The following ANAPC10 variants were observed in gnomAD, a reference collection of about 807,000 sequenced individuals.
ANAPC10 encodes the protein anaphase promoting complex subunit 10.
A neutral mutation model predicts 22.0 loss-of-function variants in ANAPC10; 12 were observed. That is an observed-to-expected ratio of 0.55 (90% CI 0.35 to 0.88). The LOEUF (loss-of-function observed/expected upper bound fraction) is 0.88. Ranked by LOEUF, ANAPC10 falls within the 40% of genes least tolerant of loss-of-function variation. The pLI is 0.01. For synonymous variants in ANAPC10, 65 were observed against 69.5 expected, an observed-to-expected ratio of 0.94 and a Z score of 0.32; for missense variants, 188 against 220.9, an observed-to-expected ratio of 0.85 and a Z score of 0.94.
chr4:145,074,799 C>T (rs1264905086), intron 3 of ANAPC10, among the ~76,000 whole-genome samples: 1 of 152,098 alleles, frequency 6.6e-6, no homozygotes, highest in Non-Finnish European at 1.5e-5. Context: ...TGATCAGTTC[C>T]AATTTTTAAA....
At chr4:145,049,260 T>G (rs1213364407) in intron 4 of ANAPC10, among the ~76,000 whole-genome samples, 2 of 152,186 alleles carry the variant, frequency 1.3e-5, no homozygotes. Flanking sequence ...AAGGCTGAGG[T>G]GGCTGAAGCA....
chr4:145,092,733 A>C (rs971861752), intron 2 of ANAPC10, among the ~76,000 whole-genome samples: 1 of 152,134 alleles, frequency 6.6e-6, no homozygotes, highest in Non-Finnish European at 1.5e-5. Flanking sequence ...ACCACCAGTG[A>C]AGGAAAGCAA....
intron 4 of ANAPC10, chr4:145,063,916 G>A (rs1310155948): frequency 6.6e-6 from 1 of 152,006 alleles, no homozygotes; most frequent in African/African-American, 2.4e-5. Flanking sequence ...AGGCAATATG[G>A]ATCTATGATA....
intron 3 of ANAPC10, 144 bp downstream of exon 3, chr4:145,081,516 C>T (rs1209074737): frequency 1.9e-6 from 1 of 519,410 alleles, no homozygotes; most frequent in East Asian, 3.2e-5. Context: ...TCTAACTGAA[C>T]TGAAAAATAA....
At chr4:145,048,263 G>C (rs1195373542) in intron 4 of ANAPC10, among the ~76,000 whole-genome samples, 3 of 152,166 alleles carry the variant, frequency 2.0e-5, no homozygotes, top group African/African-American at 7.2e-5. Flanking sequence ...AGATGATCAA[G>C]ACAGGTAATG....
chr4:145,022,187 T>C (rs374345655), intron 4 of ANAPC10, among the ~76,000 whole-genome samples: 1 of 152,066 alleles, frequency 6.6e-6, no homozygotes, highest in Non-Finnish European at 1.5e-5. Flanking sequence ...AGTCATTATA[T>C]GAAAAAGATA....
intron 4 of ANAPC10, among the ~76,000 whole-genome samples, chr4:145,050,139 T>C (rs1374043947): frequency 3.3e-5 from 5 of 152,202 alleles, no homozygotes; most frequent in East Asian, 1.9e-4. Context: ...CCTAAAGAAA[T>C]GTATAAGACT....
At chr4:145,074,315 A>C (rs1253255160) in intron 3 of ANAPC10, among the ~76,000 whole-genome samples, 4 of 151,860 alleles carry the variant, frequency 2.6e-5, no homozygotes, top group Non-Finnish European at 5.9e-5. Flanking sequence ...TCTCTTTTTG[A>C]GGAGGGCAGA....
chr4:145,081,701 T>C lies in ANAPC10; in HGVS notation c.165A>G (p.Gln55=), dbSNP rs1746040467. Residue 55 remains glutamine (Q), a synonymous_variant, in exon 3 of 5, where the codon CAA becomes CAG. Transcript: ENST00000507656. The part of the protein sequence containing the change: ...LRDDNLETYW[Q]SDGSQPHLVN... ...CTAAATGAGGCTGGGAACCATCTGATTGCCAATAAGTTTCTAGATTGTCAT... is the reference window on the plus strand; with the variant it reads ...CTAAATGAGGCTGGGAACCATCTGACTGCCAATAAGTTTCTAGATTGTCAT... 6.2e-7 allele frequency: 1 copy of C among 1,612,754 alleles called. No individual in the cohort carries two copies. The highest frequency in any genetic ancestry group is 8.5e-7 in the Non-Finnish European group (1 of 1,179,544).
chr4:145,091,958 C>A (rs1747741981), intron 2 of ANAPC10, among the ~76,000 whole-genome samples: 1 of 152,144 alleles, frequency 6.6e-6, no homozygotes, highest in Non-Finnish European at 1.5e-5. Context: ...TGAGGCCAGG[C>A]ACATGCAGCC....
At chr4:145,027,596 A>C (rs2127032195) in intron 4 of ANAPC10, among the ~76,000 whole-genome samples, 2 of 152,316 alleles carry the variant, frequency 1.3e-5, no homozygotes, top group East Asian at 3.9e-4. Flanking sequence ...ATCAAGGATA[A>C]GGAGATTATA....
chr4:145,016,220 C>A (rs1163914954), intron 4 of ANAPC10, among the ~76,000 whole-genome samples: 1 of 152,054 alleles, frequency 6.6e-6, no homozygotes, highest in African/African-American at 2.4e-5. Context: ...TTTAGAAAAC[C>A]CCACCGTCTC....
chr4:145,005,469 C>T (rs958788761), intron 4 of ANAPC10, among the ~76,000 whole-genome samples: 2 of 151,970 alleles, frequency 1.3e-5, no homozygotes, highest in African/African-American at 4.8e-5. Context: ...TTCAGTTCAG[C>T]TCTGATTTTG....
intron 3 of ANAPC10, among the ~76,000 whole-genome samples, chr4:145,078,114 T>C (rs769506283): frequency 3.3e-5 from 5 of 152,138 alleles, no homozygotes; most frequent in Non-Finnish European, 7.4e-5. Flanking sequence ...ATTCTACACC[T>C]AGAAAACCCC....
At chr4:145,077,679 T>A (rs1221250426) in intron 3 of ANAPC10, among the ~76,000 whole-genome samples, 1 of 152,100 alleles carries the variant, frequency 6.6e-6, no homozygotes, top group Non-Finnish European at 1.5e-5. Context: ...TCCACCACAA[T>A]CAAGCAGGCT....
chr4:145,023,329 A>G (rs1281131656), intron 4 of ANAPC10, among the ~76,000 whole-genome samples: 1 of 152,196 alleles, frequency 6.6e-6, no homozygotes, highest in Non-Finnish European at 1.5e-5. Flanking sequence ...TTGTTATAAA[A>G]TAACACATCC....
intron 1 of ANAPC10, chr4:145,097,509 C>A: frequency 7.8e-7 from 1 of 1,287,196 alleles, no homozygotes. Context: ...TCCTTGACAC[C>A]TCCCATTGTA....
chr4:145,059,289 T>C (rs1742522358), intron 4 of ANAPC10, among the ~76,000 whole-genome samples: 1 of 152,088 alleles, frequency 6.6e-6, no homozygotes, highest in African/African-American at 2.4e-5. Context: ...ACCACTTCTG[T>C]CAAAGTACCA....
chr4:145,056,848 T>C (rs1742140725), intron 4 of ANAPC10, among the ~76,000 whole-genome samples: 1 of 152,186 alleles, frequency 6.6e-6, no homozygotes, highest in South Asian at 2.1e-4. Context: ...TTCATTTTCA[T>C]AAGTAAAATG....
Sources: gnomAD v4.1 joint callset for allele counts (sites outside exome capture counted in the v4.1 genomes callset) on GRCh38, gnomAD v4.1.1 for gene constraint, MANE v1.5 for transcripts, NCBI Gene and HGNC (gene_info 2026-07-23, HGNC 2026-07-21) for gene names.